Variants in SIPA1L1 observed in about 807,000 individuals in gnomAD.
SIPA1L1 encodes the protein signal induced proliferation associated 1 like 1, also known as signal-induced proliferation-associated 1-like protein 1.
In SIPA1L1, 26 loss-of-function variants were observed where a neutral mutation model predicts 162.7. That is an observed-to-expected ratio of 0.16 (90% CI 0.12 to 0.22). The LOEUF is 0.22. SIPA1L1 is among the 10% of genes least tolerant of loss of function. The pLI is 1.00. For missense variants in SIPA1L1, 1,874 were observed against 2,241.0 expected (o/e 0.84, Z 3.31); for synonymous variants, 829 against 837.4 (o/e 0.99, Z 0.17).
rs1323297025 is a variant in SIPA1L1, at chr14:71,543,846, GTGTATATATACATATATCATACGTA to G, written c.-303+14480_-303+14504del. On this transcript the variant is annotated intron_variant, in intron 4 of 23. Transcript: ENST00000381232. ...GTATATATACATATATCATATGTAT[GTGTATATATACATATATCATACGTA>G]TGTGTATATATACATATATCATACG... is the stretch of plus-strand genomic sequence containing the variant. Among the ~76,000 whole-genome samples, 947 of 145,218 alleles carry G rather than the reference GTGTATATATACATATATCATACGTA, an allele frequency of 6.5e-3. 8 individuals are homozygous for G. The highest frequency in any genetic ancestry group is 0.023 in the African/African-American group (885 of 39,000).
intron 2 of SIPA1L1, among the ~76,000 whole-genome samples, chr14:71,405,638 T>C (rs1367729092): frequency 1.3e-5 from 2 of 152,232 alleles, no homozygotes; most frequent in African/African-American, 4.8e-5. Context: ...GTTACTCTAC[T>C]GTGACACAAC....
At chr14:71,350,399 C>A (rs1425560278) in intron 2 of SIPA1L1, among the ~76,000 whole-genome samples, 1 of 152,126 alleles carries the variant, frequency 6.6e-6, no homozygotes, top group Non-Finnish European at 1.5e-5. Context: ...CAGAGCAAGA[C>A]TCTTTCTCAA....
chr14:71,409,074 AT>A (rs2042225031), intron 2 of SIPA1L1, among the ~76,000 whole-genome samples: 1 of 152,212 alleles, frequency 6.6e-6, no homozygotes, highest in African/African-American at 2.4e-5. Flanking sequence ...CCCTCTGGAA[AT>A]AACACTGTCC....
At chr14:71,502,255 A>AAAAAATATATATATAT (rs67020418) in intron 2 of SIPA1L1, among the ~76,000 whole-genome samples, 3 of 97,550 alleles carry the variant, frequency 3.1e-5, no homozygotes, top group African/African-American at 1.4e-4. Flanking sequence ...AAAAAAAAAA[A>AAAAAATATATATATAT]ATATATATAT....
chr14:71,480,475 A>T (rs1270008700), intron 2 of SIPA1L1, among the ~76,000 whole-genome samples: 33 of 150,614 alleles, frequency 2.2e-4, no homozygotes, highest in Non-Finnish European at 3.7e-4. Flanking sequence ...AAAAAAGAAG[A>T]AGTCAGCCGT....
intron 12 of SIPA1L1, among the ~76,000 whole-genome samples, chr14:71,684,857 G>A (rs1052984593): frequency 7.9e-5 from 12 of 151,808 alleles, no homozygotes; most frequent in Non-Finnish European, 1.6e-4. Context: ...CCCCAGTCAT[G>A]GTGTACAATG....
At chr14:71,459,716 C>T (rs1328261103) in intron 2 of SIPA1L1, among the ~76,000 whole-genome samples, 3 of 152,150 alleles carry the variant, frequency 2.0e-5, no homozygotes, top group Non-Finnish European at 4.4e-5. Flanking sequence ...AGATTGTGCC[C>T]ACCAGATTAA....
At chr14:71,382,172 G>A (rs2039959853) in intron 2 of SIPA1L1, among the ~76,000 whole-genome samples, 1 of 152,194 alleles carries the variant, frequency 6.6e-6, no homozygotes, top group South Asian at 2.1e-4. Context: ...TGTCTAGTTA[G>A]AATAGTGTTA....
At chr14:71,358,771 T>C (rs981662619) in intron 2 of SIPA1L1, among the ~76,000 whole-genome samples, 2 of 152,164 alleles carry the variant, frequency 1.3e-5, no homozygotes, top group African/African-American at 4.8e-5. Context: ...CTCAGGAAAC[T>C]TTTAGTCATG....
chr14:71,649,234 C>T (rs2042423563), intron 7 of SIPA1L1, among the ~76,000 whole-genome samples: 1 of 149,502 alleles, frequency 6.7e-6, no homozygotes. Flanking sequence ...GCTCTGTTGC[C>T]CAGGCTGGAG....
chr14:71,330,486 C>T (rs747511925), intron 2 of SIPA1L1: 3 of 1,606,440 alleles, frequency 1.9e-6, no homozygotes, highest in Admixed American at 3.3e-5. Flanking sequence ...GAACTTGGTC[C>T]CCTTCCTGAA....
intron 12 of SIPA1L1, among the ~76,000 whole-genome samples, chr14:71,681,724 T>G (rs1278759945): frequency 6.6e-6 from 1 of 152,208 alleles, no homozygotes; most frequent in Non-Finnish European, 1.5e-5. Context: ...AAAACTTTTC[T>G]GACTCGTGAG....
rs745410086 is a variant in SIPA1L1, at chr14:71,702,401, C to T, written c.3542C>T (p.Ser1181Phe). ...CACAGGTTTGGAGTGAGCCGTAGAT[C>T]CCCAGCCTCCATTGACAGGCAGAAC... ...MPEGFGVSRRSPASIDRQNTQ... is the reference protein window; with the variant it reads ...MPEGFGVSRRFPASIDRQNTQ... The change falls in exon 15 of 24, where the codon TCC becomes TTC. Residue 1181 changes from serine (S) to phenylalanine (F), a missense_variant. Physicochemically the swap from Ser to Phe is radical, Grantham distance 155. Coordinates refer to ENST00000381232, the MANE Select transcript of SIPA1L1 (RefSeq NM_001386936.1). 6.2e-7 allele frequency: 1 copy of T among 1,614,078 alleles called. No homozygotes were observed. The highest frequency in any genetic ancestry group is 8.5e-7 in the Non-Finnish European group (1 of 1,179,944).
intron 2 of SIPA1L1, among the ~76,000 whole-genome samples, chr14:71,382,100 C>A (rs1245974875): frequency 6.6e-6 from 1 of 152,156 alleles, no homozygotes; most frequent in Non-Finnish European, 1.5e-5. Flanking sequence ...TCCAAGTTAA[C>A]ATTTTTTTCT....
chr14:71,509,451 CA>C (rs1200448254), intron 2 of SIPA1L1, among the ~76,000 whole-genome samples: 1 of 151,990 alleles, frequency 6.6e-6, no homozygotes, highest in Non-Finnish European at 1.5e-5. Flanking sequence ...TGAGCAATAT[CA>C]AGGAAACAAG....
At chr14:71,687,856 C>T (rs1296892436) in intron 13 of SIPA1L1, among the ~76,000 whole-genome samples, 4 of 152,090 alleles carry the variant, frequency 2.6e-5, no homozygotes, top group African/African-American at 7.2e-5. Flanking sequence ...GGTGAAAGGG[C>T]CATAGGTGGG....
intron 7 of SIPA1L1, among the ~76,000 whole-genome samples, chr14:71,631,042 G>T (rs1229286539): frequency 6.6e-6 from 1 of 151,952 alleles, no homozygotes; most frequent in Non-Finnish European, 1.5e-5. Context: ...CCCCTGACAG[G>T]CCTGTGTGTG....
In SIPA1L1 at chr14:71,723,717, C is replaced by T. The variant is rs1349195806; in HGVS notation, c.4279C>T (p.Leu1427Phe). 6.2e-7 allele frequency: 1 copy of T among 1,614,236 alleles called. No homozygotes were observed. The highest frequency in any genetic ancestry group is 8.5e-7 in the Non-Finnish European group (1 of 1,180,038). Residue 1427 changes from leucine (L) to phenylalanine (F), a missense_variant, in exon 18 of 24, where the codon CTT becomes TTT. Leu to Phe is a conservative substitution (Grantham distance 22). Transcript: ENST00000381232. ...TSARSSPKEELHPAAPSQLAP... is the reference protein window; with the variant it reads ...TSARSSPKEEFHPAAPSQLAP... The stretch of plus-strand genomic sequence containing the variant: ...TGCCCGGAGTTCACCTAAAGAAGAG[C>T]TTCATCCAGCTGCCCCCTCACAGCT...
chr14:71,666,509 AT>A (rs1366859874), intron 10 of SIPA1L1, among the ~76,000 whole-genome samples: 17 of 152,242 alleles, frequency 1.1e-4, no homozygotes, highest in African/African-American at 4.1e-4. Flanking sequence ...ATTTGATGAA[AT>A]AAAAGAGTTG....
Sources: allele counts gnomAD v4.1 joint callset (sites outside exome capture counted in the v4.1 genomes callset), GRCh38; gene constraint gnomAD v4.1.1; transcripts MANE v1.5; gene names NCBI Gene and HGNC (gene_info 2026-07-23, HGNC 2026-07-21).